Variants in EYA2 observed in about 807,000 individuals in gnomAD.
EYA2 encodes the protein protein phosphatase EYA2.
A neutral mutation model predicts 69.2 loss-of-function variants in EYA2; 31 were observed. That is an observed-to-expected ratio of 0.45 (90% CI 0.34 to 0.60). EYA2 has a LOEUF of 0.60. EYA2 is among the 20% of genes least tolerant of loss of function. EYA2 has a pLI of 0.02. For synonymous variants in EYA2, 257 were observed against 279.4 expected (o/e 0.92, Z 0.80); for missense variants, 622 against 701.2 (o/e 0.89, Z 1.28).
At chr20:47,030,052 C>T (rs908015733) in intron 5 of EYA2, among the ~76,000 whole-genome samples, 5 of 152,178 alleles carry the variant, frequency 3.3e-5, no homozygotes, top group Non-Finnish European at 7.3e-5. Flanking sequence ...AATACGACAA[C>T]GAATGGGCAA....
chr20:47,072,245 T>A lies in EYA2; in HGVS notation c.476T>A (p.Val159Glu). 1 of 1,611,634 alleles carries A rather than the reference T, an allele frequency of 6.2e-7. No individual in the cohort carries two copies. The highest frequency in any genetic ancestry group is 8.5e-7 in the Non-Finnish European group (1 of 1,178,756). Reference sequence around the variant, plus strand: ...GGCAACGCAGCCGGTTTCGGGAGTGTGCACCAGGTAGACATGGCTCCCTCC... The same window carrying A: ...GGCAACGCAGCCGGTTTCGGGAGTGAGCACCAGGTAGACATGGCTCCCTCC... ...GLGNAAGFGS[V>E]HQDYPSYPGF... The change falls in exon 6 of 16, where the codon GTG becomes GAG. Residue 159 changes from valine (V) to glutamate (E), a missense_variant. By Grantham distance (121) the Val-to-Glu change is moderately radical. Transcript: ENST00000327619.
chr20:47,040,226 G>T (rs978558334), intron 5 of EYA2, among the ~76,000 whole-genome samples: 9 of 152,180 alleles, frequency 5.9e-5, no homozygotes, highest in Admixed American at 2.0e-4. Context: ...AGCACAGAAG[G>T]CCATCTTTTC....
chr20:47,167,549 G>A (rs2034227105), intron 10 of EYA2, among the ~76,000 whole-genome samples: 1 of 152,082 alleles, frequency 6.6e-6, no homozygotes, highest in Non-Finnish European at 1.5e-5. Context: ...CTCCCAAAAT[G>A]CTGAGATTAC....
At chr20:47,135,846 C>CA (rs1283246862) in intron 9 of EYA2, among the ~76,000 whole-genome samples, 1 of 54,244 alleles carries the variant, frequency 1.8e-5, no homozygotes, top group Non-Finnish European at 3.1e-5. Flanking sequence ...AAAAAACAAA[C>CA]AAACAAACAA....
At chr20:47,115,486 A>T (rs2032863635) in intron 9 of EYA2, among the ~76,000 whole-genome samples, 1 of 152,102 alleles carries the variant, frequency 6.6e-6, no homozygotes, top group African/African-American at 2.4e-5. Flanking sequence ...TACTTCCTCG[A>T]GGGTCCCCCA....
At chr20:46,967,134 C>T (rs557488452) in intron 1 of EYA2, among the ~76,000 whole-genome samples, 5 of 152,324 alleles carry the variant, frequency 3.3e-5, no homozygotes, top group South Asian at 2.1e-4. Context: ...GCTGGGACTA[C>T]AGGCACACAC....
At chr20:47,058,966 A>G (rs991344625) in intron 5 of EYA2, among the ~76,000 whole-genome samples, 31 of 152,212 alleles carry the variant, frequency 2.0e-4, no homozygotes, top group Non-Finnish European at 4.6e-4. Context: ...ACAGAAACAA[A>G]TGCCTGCTCC....
intron 1 of EYA2, among the ~76,000 whole-genome samples, chr20:46,975,184 A>G (rs1042253483): frequency 1.3e-5 from 2 of 152,136 alleles, no homozygotes; most frequent in African/African-American, 4.8e-5. Context: ...CGTGGTGGTT[A>G]CGCAGAGCTG....
intron 1 of EYA2, among the ~76,000 whole-genome samples, chr20:46,964,337 T>G (rs1979652752): frequency 6.6e-6 from 1 of 151,942 alleles, no homozygotes; most frequent in African/African-American, 2.4e-5. Context: ...GAGAACAGAT[T>G]TGGAGGAGGT....
At chr20:47,181,690 T>C (rs1023253243) in intron 14 of EYA2, among the ~76,000 whole-genome samples, 2 of 149,902 alleles carry the variant, frequency 1.3e-5, no homozygotes, top group East Asian at 3.9e-4. Flanking sequence ...ATTAGAAACC[T>C]TTTCCATTGT....
intron 9 of EYA2, among the ~76,000 whole-genome samples, chr20:47,105,042 A>G (rs910326471): frequency 2.0e-5 from 3 of 152,096 alleles, no homozygotes; most frequent in Non-Finnish European, 4.4e-5. Context: ...TAAAAAATCA[A>G]TTGGCCGTAA....
At chr20:46,941,293 A>G (rs1459131877) in intron 1 of EYA2, among the ~76,000 whole-genome samples, 1 of 152,250 alleles carries the variant, frequency 6.6e-6, no homozygotes, top group Non-Finnish European at 1.5e-5. Context: ...GGAAGGATGT[A>G]ATGAGGTGCC....
intron 3 of EYA2, among the ~76,000 whole-genome samples, chr20:47,002,671 G>T (rs140339364): frequency 2.0e-5 from 3 of 152,094 alleles, no homozygotes; most frequent in Non-Finnish European, 2.9e-5. Flanking sequence ...GAACATATGC[G>T]TGCATGCATC....
intron 10 of EYA2, chr20:47,166,877 C>A (rs115633564): frequency 6.6e-6 from 1 of 152,540 alleles, no homozygotes; most frequent in African/African-American, 2.4e-5. Context: ...GATCCAGGCC[C>A]AGGCAGTCAG....
At chr20:46,998,785 C>T (rs1468406133) in intron 2 of EYA2, among the ~76,000 whole-genome samples, 2 of 152,200 alleles carry the variant, frequency 1.3e-5, no homozygotes, top group East Asian at 1.9e-4. Context: ...CTCCAGGTGT[C>T]CTGGGATGAA....
At chr20:47,181,578 A>G (rs2034538698) in intron 14 of EYA2, among the ~76,000 whole-genome samples, 1 of 152,166 alleles carries the variant, frequency 6.6e-6, no homozygotes, top group Non-Finnish European at 1.5e-5. Context: ...GCGAGATCAT[A>G]GCTCACTACA....
intron 4 of EYA2, among the ~76,000 whole-genome samples, chr20:47,009,067 C>A (rs1982901123): frequency 6.6e-6 from 1 of 152,202 alleles, no homozygotes; most frequent in African/African-American, 2.4e-5. Context: ...AGGCAGTGGA[C>A]CAGATTTGGT....
intron 1 of EYA2, among the ~76,000 whole-genome samples, chr20:46,963,895 G>A (rs1055858977): frequency 2.0e-5 from 3 of 152,226 alleles, no homozygotes; most frequent in Non-Finnish European, 2.9e-5. Flanking sequence ...ATGGGAACAC[G>A]GGCTGCCAGG....
intron 15 of EYA2, among the ~76,000 whole-genome samples, chr20:47,186,311 T>C (rs2034639342): frequency 1.3e-5 from 2 of 151,600 alleles, no homozygotes. Context: ...TGGGATGCCC[T>C]TCCCTTCAGT....
Sources: gnomAD v4.1 joint callset for allele counts (sites outside exome capture counted in the v4.1 genomes callset) on GRCh38, gnomAD v4.1.1 for gene constraint, MANE v1.5 for transcripts, NCBI Gene and HGNC (gene_info 2026-07-23, HGNC 2026-07-21) for gene names.